Variants in PTPRD observed in about 807,000 individuals in gnomAD.
PTPRD encodes the protein protein tyrosine phosphatase receptor type D.
Under a neutral mutation model 214.5 loss-of-function variants are expected in PTPRD, and 34 were observed. The observed-to-expected ratio is 0.16, with a 90% CI of 0.12 to 0.21. The LOEUF (loss-of-function observed/expected upper bound fraction) is 0.21, where lower values mean the gene tolerates loss of function less well. Ranked by LOEUF, PTPRD falls within the 10% of genes least tolerant of loss-of-function variation. The pLI, the probability that PTPRD is intolerant of heterozygous loss-of-function variation, is 1.00. For synonymous variants in PTPRD, 1,128 were observed against 845.7 expected (o/e 1.33, Z -5.79); for missense variants, 2,545 against 2,398.7 (o/e 1.06, Z -1.27).
chr9:8,571,493 T>C (rs1228142205), intron 14 of PTPRD, among the ~76,000 whole-genome samples: 1 of 152,102 alleles, frequency 6.6e-6, no homozygotes, highest in African/African-American at 2.4e-5. Flanking sequence ...GCTGATAATA[T>C]CTATGCATAA....
chr9:10,570,958 A>T (rs2067237803), intron 2 of PTPRD, among the ~76,000 whole-genome samples: 1 of 151,936 alleles, frequency 6.6e-6, no homozygotes, highest in Non-Finnish European at 1.5e-5. Context: ...GGCGATAGAA[A>T]TGAAGGCCTC....
At chr9:8,370,160 T>C (rs997166280) in intron 39 of PTPRD, among the ~76,000 whole-genome samples, 6 of 151,350 alleles carry the variant, frequency 4.0e-5, no homozygotes, top group Admixed American at 4.0e-4. Flanking sequence ...ATAAATAAGA[T>C]AAAAACAATA....
intron 9 of PTPRD, among the ~76,000 whole-genome samples, chr9:9,367,758 A>G (rs898656217): frequency 2.0e-5 from 3 of 151,740 alleles, no homozygotes; most frequent in African/African-American, 4.8e-5. Flanking sequence ...CACATATTAT[A>G]TGCTAACTCG....
intron 11 of PTPRD, among the ~76,000 whole-genome samples, chr9:8,808,645 TAAC>T (rs1182268138): frequency 2.0e-5 from 3 of 151,978 alleles, no homozygotes; most frequent in Admixed American, 2.0e-4. Flanking sequence ...CAATACAAAA[TAAC>T]AATCAAAATA....
intron 7 of PTPRD, among the ~76,000 whole-genome samples, chr9:9,674,818 A>G (rs1208327784): frequency 6.6e-6 from 1 of 151,904 alleles, no homozygotes; most frequent in African/African-American, 2.4e-5. Context: ...AAGTAAAAGC[A>G]TTCTTTATGT....
chr9:9,713,753 T>A (rs2097773634), intron 7 of PTPRD, among the ~76,000 whole-genome samples: 1 of 152,116 alleles, frequency 6.6e-6, no homozygotes, highest in Non-Finnish European at 1.5e-5. Flanking sequence ...GAACAGAATA[T>A]TGGTAGAACT....
chr9:9,994,823 C>T (rs2096067547), intron 4 of PTPRD, among the ~76,000 whole-genome samples: 1 of 151,974 alleles, frequency 6.6e-6, no homozygotes, highest in African/African-American at 2.4e-5. Context: ...ATGAAAACTT[C>T]TTGCTTTGTC....
intron 10 of PTPRD, among the ~76,000 whole-genome samples, chr9:9,137,878 A>G (rs2099853455): frequency 1.3e-5 from 2 of 152,274 alleles, no homozygotes; most frequent in South Asian, 2.1e-4. Flanking sequence ...TCTAAATAAT[A>G]TCATCTTCCA....
chr9:10,105,226 G>A (rs2098612355), intron 3 of PTPRD, among the ~76,000 whole-genome samples: 1 of 151,664 alleles, frequency 6.6e-6, no homozygotes, highest in Non-Finnish European at 1.5e-5. Context: ...AATTAGTCTT[G>A]AGGGATTAAA....
intron 3 of PTPRD, among the ~76,000 whole-genome samples, chr9:10,137,898 A>G (rs2098954161): frequency 6.6e-6 from 1 of 152,088 alleles, no homozygotes; most frequent in Non-Finnish European, 1.5e-5. Flanking sequence ...AAGCAGGATT[A>G]AGAGGAAATG....
At chr9:8,762,520 T>C (rs904400019) in intron 11 of PTPRD, among the ~76,000 whole-genome samples, 1 of 152,188 alleles carries the variant, frequency 6.6e-6, no homozygotes, top group Non-Finnish European at 1.5e-5. Context: ...ATAAATAATT[T>C]GTTTTTCTAA....
chr9:9,383,545 A>G (rs2062952916), intron 9 of PTPRD, among the ~76,000 whole-genome samples: 1 of 152,176 alleles, frequency 6.6e-6, no homozygotes, highest in Non-Finnish European at 1.5e-5. Context: ...ATGTTTGGAA[A>G]TGTCTTAATG....
At position 9,341,810 on chromosome 9, in the gene PTPRD, A is replaced by T. The variant is rs1440161897; in HGVS notation, c.-203+55639T>A. 4.6e-5 allele frequency among the ~76,000 whole-genome samples: 7 copies of T among 151,794 alleles called. No homozygotes were observed. The East Asian group carries it at 9.7e-4, about 21-fold the overall frequency. ...CTTCAAGATTTTATTTATTATTATT[A>T]TTATTTTTATTTTCCAAGACAGGGC... On this transcript the variant is annotated intron_variant, in intron 9 of 45. Coordinates refer to ENST00000381196, the MANE Select transcript of PTPRD (RefSeq NM_002839.4).
At chr9:10,169,473 CAAAAAAAAAA>C (rs59335943) in intron 3 of PTPRD, among the ~76,000 whole-genome samples, 3 of 66,876 alleles carry the variant, frequency 4.5e-5, no homozygotes, top group Admixed American at 1.7e-4. Context: ...GACTCTGTCT[CAAAAAAAAAA>C]AAAAAAAAAA....
In PTPRD at chr9:10,322,734, TG is replaced by T. The variant is rs560197640; in HGVS notation, c.-545+18228del. ...CATTGGTACCAATTGGTTTTGTATC[TG>T]AGAGTTCACTTAGCAGAGAGACAGC... is the stretch of plus-strand genomic sequence containing the variant. On this transcript the variant is annotated intron_variant, in intron 3 of 45. Transcript: ENST00000381196. 5.3e-5 allele frequency among the ~76,000 whole-genome samples: 8 copies of T among 152,150 alleles called. No individual in the cohort carries two copies. The South Asian group carries it at 1.5e-3, about 28-fold the overall frequency.
At chr9:10,459,187 T>C (rs2098939856) in intron 2 of PTPRD, among the ~76,000 whole-genome samples, 1 of 152,214 alleles carries the variant, frequency 6.6e-6, no homozygotes, top group South Asian at 2.1e-4. Flanking sequence ...CTGAGAATGA[T>C]GGTTCCTAGC....
At chr9:9,526,230 A>G (rs939815342) in intron 8 of PTPRD, among the ~76,000 whole-genome samples, 1 of 152,206 alleles carries the variant, frequency 6.6e-6, no homozygotes, top group Non-Finnish European at 1.5e-5. Flanking sequence ...CAATTAATGT[A>G]TGCAGCCTAC....
chr9:9,011,653 T>C (rs1003255892), intron 11 of PTPRD, among the ~76,000 whole-genome samples: 2 of 152,182 alleles, frequency 1.3e-5, no homozygotes. Flanking sequence ...TCAGTGGTAC[T>C]TTAGTAAACT....
intron 5 of PTPRD, among the ~76,000 whole-genome samples, chr9:9,840,690 GA>G (rs1314813717): frequency 7.4e-6 from 1 of 135,670 alleles, no homozygotes; most frequent in Admixed American, 8.6e-5. Context: ...TTGAACACGG[GA>G]GGCAGAGCTT....
Sources: allele counts gnomAD v4.1 joint callset (sites outside exome capture counted in the v4.1 genomes callset), GRCh38; gene constraint gnomAD v4.1.1; transcripts MANE v1.5; gene names NCBI Gene and HGNC (gene_info 2026-07-23, HGNC 2026-07-21).